Variants in SRC observed in about 807,000 individuals in gnomAD.
The protein encoded by SRC is SRC proto-oncogene, non-receptor tyrosine kinase.
SRC carries 13 observed loss-of-function variants against 62.9 expected under a neutral mutation model. That is an observed-to-expected ratio of 0.21 (90% CI 0.13 to 0.33). The LOEUF (loss-of-function observed/expected upper bound fraction) is 0.33, where lower values mean the gene tolerates loss of function less well. Among genes scored for constraint, SRC ranks in the 10% least tolerant of loss-of-function variants. The pLI is 1.00. For missense variants in SRC, 457 were observed against 737.3 expected (o/e 0.62, Z 4.40); for synonymous variants, 302 against 317.5 (o/e 0.95, Z 0.52).
chr20:37,371,374 T>C (rs958272530), intron 2 of SRC, among the ~76,000 whole-genome samples: 1 of 152,202 alleles, frequency 6.6e-6, no homozygotes, highest in African/African-American at 2.4e-5. Context: ...CATAGAATTA[T>C]TCATAGTAGT....
chr20:37,398,439 C>T lies in SRC; in HGVS notation c.859+585C>T, dbSNP rs906473155. ...ACCGGAGGCCAGGGTGGAGGAGAGA[C>T]GGCGGTTGTAACCCCGTAAGCCCAT... On this transcript the variant is annotated intron_variant, in intron 9 of 13. Transcript: ENST00000373578. The surrounding 1 kb of genome is among the most constrained non-coding windows in gnomAD (Gnocchi z 5.2). 5.9e-5 allele frequency among the ~76,000 whole-genome samples: 9 copies of T among 152,334 alleles called. No individual in the cohort carries two copies. The highest frequency in any genetic ancestry group is 3.9e-4 in the Admixed American group (6 of 15,306).
chr20:37,397,635 C>T lies in SRC; in HGVS notation c.704-64C>T, dbSNP rs1601016448. 1.1e-5 allele frequency: 16 copies of T among 1,480,240 alleles called. No homozygotes were observed. In the East Asian group the frequency reaches 3.6e-4, roughly 33 times the overall value. The allele number at this position is 1,480,240 out of a possible 1,614,324, so 91.7% of individuals were successfully genotyped here. ...CATCTGGCATGTAGGGCGACACACA[C>T]TGAGGGGCAGGGAGGCCCCAGGGCA... On this transcript the variant is annotated intron_variant, in intron 8 of 13. Transcript: ENST00000373578. The surrounding 1 kb of genome is among the most constrained non-coding windows in gnomAD (Gnocchi z 4.1).
rs1250584696 is a variant in SRC at position 37,394,227 on chromosome 20, C to G, written c.503C>G (p.Ala168Gly). ...RRESERLLLN[A>G]ENPRGTFLVR... ...GAGTCAGAGCGGTTACTGCTCAATG[C>G]AGAGAACCCGAGAGGGACCTTCCTC... Residue 168 changes from alanine (A) to glycine (G), a missense_variant, in exon 7 of 14, where the codon GCA (alanine) becomes GGA (glycine). Transcript: ENST00000373578. 1 of 1,613,942 alleles carries G rather than the reference C, an allele frequency of 6.2e-7. No individual in the cohort carries two copies. The highest frequency in any genetic ancestry group is 8.5e-7 in the Non-Finnish European group (1 of 1,180,046).
intron 2 of SRC, among the ~76,000 whole-genome samples, chr20:37,380,881 C>T (rs1006286674): frequency 6.6e-6 from 1 of 151,544 alleles, no homozygotes; most frequent in African/African-American, 2.4e-5. Context: ...TTTTAATCTT[C>T]TTGTAGTTCT....
At chr20:37,354,775 TC>T (rs1320572942) in intron 1 of SRC, among the ~76,000 whole-genome samples, 2 of 152,222 alleles carry the variant, frequency 1.3e-5, no homozygotes, top group African/African-American at 4.8e-5. Flanking sequence ...TCCTGCCACA[TC>T]ACTGCGTCTG....
intron 1 of SRC, among the ~76,000 whole-genome samples, chr20:37,363,853 C>T (rs567774658): frequency 5.9e-5 from 9 of 152,272 alleles, no homozygotes; most frequent in East Asian, 5.8e-4. Flanking sequence ...ATCTCAGGCA[C>T]GCCATTTAAC....
intron 5 of SRC, among the ~76,000 whole-genome samples, chr20:37,389,451 G>A (rs1320205443): frequency 3.3e-5 from 5 of 152,166 alleles, no homozygotes; most frequent in Non-Finnish European, 7.4e-5. Context: ...CTGCCTTCAT[G>A]CTCTCCTCCA....
intron 11 of SRC, 152 bp downstream of exon 11, chr20:37,401,830 G>A: frequency 1.8e-6 from 1 of 565,698 alleles, no homozygotes; most frequent in Non-Finnish European, 3.0e-6. Context: ...TATTTACCAG[G>A]TCTGCTTACA....
chr20:37,402,397 G>A lies in SRC; in HGVS notation c.1117-38G>A. On this transcript the variant is annotated intron_variant, in intron 11 of 13. Coordinates refer to ENST00000373578, the MANE Select transcript of SRC (RefSeq NM_198291.3). This position sits in a 1 kb window ranked among gnomAD's most constrained non-coding sequence, Gnocchi z 6.2. ...GCTCTGTGGCCCTGGGAGGGCATGG[G>A]TGGCACCTGAGCCAGGCTCCCACGG... 1.2e-6 allele frequency: 2 copies of A among 1,601,564 alleles called. No individual in the cohort carries two copies. The highest frequency in any genetic ancestry group is 2.2e-5 in the East Asian group (1 of 44,648).
intron 1 of SRC, among the ~76,000 whole-genome samples, chr20:37,355,537 G>A (rs925400062): frequency 2.0e-5 from 3 of 152,166 alleles, no homozygotes; most frequent in East Asian, 1.9e-4. Flanking sequence ...GTTATCCACC[G>A]GTGATATCTG....
intron 1 of SRC, among the ~76,000 whole-genome samples, chr20:37,362,584 C>T (rs1000509041): frequency 1.3e-5 from 2 of 152,178 alleles, no homozygotes; most frequent in African/African-American, 4.8e-5. Flanking sequence ...CAGCCCCCTT[C>T]TCTGAGCCTT....
At chr20:37,350,332 C>T (rs571583074) in intron 1 of SRC, among the ~76,000 whole-genome samples, 178 of 152,192 alleles carry the variant, frequency 1.2e-3, no homozygotes, top group African/African-American at 3.1e-3. Context: ...TCAGTGGAGG[C>T]GGGGGAGGGC....
At chr20:37,370,095 C>T (rs916041562) in intron 2 of SRC, among the ~76,000 whole-genome samples, 1 of 152,202 alleles carries the variant, frequency 6.6e-6, no homozygotes, top group Non-Finnish European at 1.5e-5. Flanking sequence ...CCACCACACC[C>T]GGCCTAGCCG....
intron 1 of SRC, among the ~76,000 whole-genome samples, chr20:37,359,401 C>T (rs140600304): frequency 4.6e-5 from 7 of 152,268 alleles, no homozygotes; most frequent in East Asian, 1.9e-4. Flanking sequence ...CGTAAGAAGG[C>T]GGTAAGGGCC....
In SRC at chr20:37,403,455, C is replaced by A; in HGVS notation, c.*76C>A. On this transcript the variant is annotated 3_prime_UTR_variant, in exon 14 of 14. Transcript: ENST00000373578. The surrounding 1 kb of genome is among the most constrained non-coding windows in gnomAD (Gnocchi z 7.1). ...CCCCTGTCTCGGGGCTTGCCCCACT[C>A]TGCCTGCCTGCTGTTGGTCCTCTCT... 7.0e-7 allele frequency: 1 copy of A among 1,421,480 alleles called. No individual in the cohort carries two copies. The highest frequency in any genetic ancestry group is 9.5e-7 in the Non-Finnish European group (1 of 1,057,230). 88.1% of individuals were successfully genotyped at this position (1,421,480 alleles called of 1,614,324 possible). A position where few individuals can be genotyped will look rare whatever the true frequency, so the allele number is the denominator to read the frequency against.
intron 2 of SRC, among the ~76,000 whole-genome samples, chr20:37,366,916 A>G (rs1365949368): frequency 6.6e-6 from 1 of 152,038 alleles, no homozygotes; most frequent in Non-Finnish European, 1.5e-5. Context: ...TCATATGGTA[A>G]TTCCGTGTTT....
intron 2 of SRC, among the ~76,000 whole-genome samples, chr20:37,378,713 C>T (rs1472575236): frequency 1.3e-5 from 2 of 152,006 alleles, no homozygotes; most frequent in Admixed American, 6.6e-5. Flanking sequence ...GAGTTTTAAG[C>T]GGAGGAGGCC....
In SRC at chr20:37,405,701, G is replaced by T. The variant is rs1237100952; in HGVS notation, c.*2322G>T. 1 of 154,840 alleles carries T rather than the reference G, an allele frequency of 6.5e-6. No homozygotes were observed. Among genetic ancestry groups the T allele is most frequent in the Non-Finnish European group, 1.4e-5 (1 of 69,586 alleles). 9.6% of individuals were successfully genotyped at this position (154,840 alleles called of 1,614,324 possible). A position where few individuals can be genotyped will look rare whatever the true frequency, so the allele number is the denominator to read the frequency against. ...CAGGACTCAAATGTCCGTGGTGGAT[G>T]GTAGCAGTGACATTGGGGAGTGGGT... is the stretch of plus-strand genomic sequence containing the variant. On this transcript the variant is annotated 3_prime_UTR_variant, in exon 14 of 14. Coordinates refer to ENST00000373578, the MANE Select transcript of SRC (RefSeq NM_198291.3).
At chr20:37,376,572 C>T (rs772114474) in intron 2 of SRC, among the ~76,000 whole-genome samples, 6 of 152,212 alleles carry the variant, frequency 3.9e-5, no homozygotes, top group Non-Finnish European at 7.3e-5. Flanking sequence ...GGCACAATGT[C>T]TGCTCACTGT....
Sources: gnomAD v4.1 joint callset for allele counts (sites outside exome capture counted in the v4.1 genomes callset) on GRCh38, gnomAD v4.1.1 for gene constraint, Gnocchi (gnomAD v3.1) non-coding constraint, MANE v1.5 for transcripts, NCBI Gene and HGNC (gene_info 2026-07-23, HGNC 2026-07-21) for gene names.